Variants in FOXP1 observed in about 807,000 individuals in gnomAD.
FOXP1 encodes forkhead box P1.
FOXP1 carries 15 observed loss-of-function variants against 98.2 expected under a neutral mutation model. That is an observed-to-expected ratio of 0.15 (90% confidence interval 0.10 to 0.24). The LOEUF (loss-of-function observed/expected upper bound fraction) is 0.24. Ranked by LOEUF, FOXP1 falls within the 10% of genes least tolerant of loss-of-function variation. FOXP1 has a pLI of 1.00. For synonymous variants in FOXP1, 371 were observed against 314.5 expected, an observed-to-expected ratio of 1.18 and a Z score of -1.90; for missense variants, 633 against 848.5, an observed-to-expected ratio of 0.75 and a Z score of 3.15.
chr3:71,492,357 C>A (rs1439619942), intron 3 of FOXP1, among the ~76,000 whole-genome samples: 6 of 151,062 alleles, frequency 4.0e-5, no homozygotes, highest in African/African-American at 1.5e-4. Context: ...GAGGCCGAGG[C>A]AGAAAAATTG....
At position 71,007,002 on chromosome 3, in the gene FOXP1, A is replaced by C. The variant is rs2042891326; in HGVS notation, c.975-5943T>G. Among the ~76,000 whole-genome samples, 3 of 152,142 alleles carry C rather than the reference A, an allele frequency of 2.0e-5. No individual in the cohort carries two copies. The South Asian group carries it at 6.2e-4, about 31-fold the overall frequency. On this transcript the variant is annotated intron_variant, in intron 12 of 20. Coordinates refer to ENST00000649528, the MANE Select transcript of FOXP1 (RefSeq NM_001349338.3). The stretch of plus-strand genomic sequence containing the variant: ...AACTTTTCTATCTAATATTCTATAT[A>C]TCACTAGAGGGCACTGTGGTATTTA...
intron 7 of FOXP1, among the ~76,000 whole-genome samples, chr3:71,072,418 C>A (rs1428800537): frequency 4.6e-5 from 7 of 152,180 alleles, no homozygotes; most frequent in African/African-American, 1.7e-4. Context: ...CGAACACTGT[C>A]ATGTCTACAG....
At chr3:71,481,612 T>C (rs1295544153) in intron 3 of FOXP1, among the ~76,000 whole-genome samples, 1 of 152,226 alleles carries the variant, frequency 6.6e-6, no homozygotes, top group Non-Finnish European at 1.5e-5. Flanking sequence ...CTTTTCTGAA[T>C]GTTTATTCCC....
intron 5 of FOXP1, among the ~76,000 whole-genome samples, chr3:71,231,549 T>A (rs1340603417): frequency 6.6e-6 from 1 of 152,226 alleles, no homozygotes; most frequent in African/African-American, 2.4e-5. Flanking sequence ...ACTCAGTGGT[T>A]ATTTTGGAGA....
At chr3:71,536,808 G>A (rs976013423) in intron 2 of FOXP1, among the ~76,000 whole-genome samples, 4 of 152,200 alleles carry the variant, frequency 2.6e-5, no homozygotes, top group South Asian at 2.1e-4. Flanking sequence ...CATGATGATC[G>A]TTTGGTGTGG....
intron 2 of FOXP1, among the ~76,000 whole-genome samples, chr3:71,506,748 T>C (rs2041853213): frequency 6.6e-6 from 1 of 152,194 alleles, no homozygotes; most frequent in South Asian, 2.1e-4. Context: ...TGCATCCAGA[T>C]TTCCACCTCC....
intron 3 of FOXP1, among the ~76,000 whole-genome samples, chr3:71,370,725 A>G (rs1407581838): frequency 6.6e-6 from 1 of 151,714 alleles, no homozygotes; most frequent in Admixed American, 6.6e-5. Flanking sequence ...TCAAACTTGC[A>G]TGCTCATCAA....
At chr3:71,547,069 T>A (rs1488897888) in intron 2 of FOXP1, among the ~76,000 whole-genome samples, 1 of 152,198 alleles carries the variant, frequency 6.6e-6, no homozygotes, top group Non-Finnish European at 1.5e-5. Context: ...CAACTGTCAC[T>A]GCTGTCAGTT....
intron 3 of FOXP1, chr3:71,360,432 G>A (rs1017414020): frequency 2.6e-5 from 4 of 152,074 alleles, no homozygotes; most frequent in Admixed American, 2.6e-4. Flanking sequence ...CATGTGCTGA[G>A]ACTGCAAAGC....
At chr3:71,425,508 C>A (rs976535583) in intron 3 of FOXP1, among the ~76,000 whole-genome samples, 1 of 151,984 alleles carries the variant, frequency 6.6e-6, no homozygotes, top group Non-Finnish European at 1.5e-5. Flanking sequence ...GAGGGGAGAC[C>A]AACTTCTCAG....
At chr3:71,203,645 G>T (rs1416597766) in intron 5 of FOXP1, among the ~76,000 whole-genome samples, 3 of 152,170 alleles carry the variant, frequency 2.0e-5, no homozygotes, top group South Asian at 2.1e-4. Flanking sequence ...AAATTAACTT[G>T]GCTGATCAAT....
At chr3:71,328,003 A>C (rs2076022739) in intron 4 of FOXP1, among the ~76,000 whole-genome samples, 1 of 152,218 alleles carries the variant, frequency 6.6e-6, no homozygotes, top group South Asian at 2.1e-4. Flanking sequence ...TTGTCATTTA[A>C]AACTACACCA....
chr3:71,253,713 G>A (rs1348870163), intron 5 of FOXP1, among the ~76,000 whole-genome samples: 6 of 152,210 alleles, frequency 3.9e-5, no homozygotes, highest in East Asian at 3.9e-4. Flanking sequence ...AAATGGTACT[G>A]GACTTGGTGT....
At chr3:70,968,318 C>G (rs538507929) in intron 19 of FOXP1, 5 of 151,862 alleles carry the variant, frequency 3.3e-5, no homozygotes, top group Non-Finnish European at 7.4e-5. Flanking sequence ...AGCAACCCAC[C>G]CAAGGTTAGA....
intron 11 of FOXP1, among the ~76,000 whole-genome samples, chr3:71,030,952 C>T (rs2046788772): frequency 6.6e-6 from 1 of 152,108 alleles, no homozygotes; most frequent in Admixed American, 6.5e-5. Flanking sequence ...ATCAATATTT[C>T]AGACATGAAA....
chr3:71,119,882 G>T (rs1173141804), intron 6 of FOXP1, among the ~76,000 whole-genome samples: 3 of 152,138 alleles, frequency 2.0e-5, no homozygotes, highest in African/African-American at 7.2e-5. Context: ...AAAGCAACAG[G>T]TTCTTCAAAC....
chr3:71,020,762 T>G (rs2045312904), intron 11 of FOXP1, among the ~76,000 whole-genome samples: 1 of 152,216 alleles, frequency 6.6e-6, no homozygotes, highest in Middle Eastern at 3.2e-3. Context: ...ATCTGTCTTT[T>G]AAGTATCCCC....
At chr3:71,546,184 C>T (rs1265776253) in intron 2 of FOXP1, among the ~76,000 whole-genome samples, 1 of 152,112 alleles carries the variant, frequency 6.6e-6, no homozygotes, top group East Asian at 1.9e-4. Flanking sequence ...AGCCAGCTGG[C>T]GAGGGTTAGT....
intron 6 of FOXP1, among the ~76,000 whole-genome samples, chr3:71,165,837 C>G (rs1178089619): frequency 6.6e-6 from 1 of 152,086 alleles, no homozygotes; most frequent in East Asian, 1.9e-4. Flanking sequence ...AGGCAACAGG[C>G]TCCATCAGCC....
Sources: allele counts gnomAD v4.1 joint callset (sites outside exome capture counted in the v4.1 genomes callset), GRCh38; gene constraint gnomAD v4.1.1; transcripts MANE v1.5; gene names NCBI Gene and HGNC (gene_info 2026-07-23, HGNC 2026-07-21).